LMBRD1: variants seen among roughly 807,000 people sequenced by gnomAD.
LMBRD1 encodes LMBR1 domain containing 1, also known as lysosomal cobalamin transport escort protein LMBD1.
A neutral mutation model predicts 74.8 loss-of-function variants in LMBRD1; 64 were observed. The ratio of observed to expected loss-of-function variants is 0.86; its 90% CI spans 0.70 to 1.05. The LOEUF (loss-of-function observed/expected upper bound fraction) is 1.05. Ranked by LOEUF, LMBRD1 falls within the 50% of genes least tolerant of loss-of-function variation. The probability of loss-of-function intolerance (pLI) is 0.00; values close to 1 mark genes in which losing one functional copy is unlikely to be tolerated. For synonymous variants in LMBRD1, 204 were observed against 216.3 expected (o/e 0.94, Z 0.50); for missense variants, 652 against 645.9 (o/e 1.01, Z -0.10).
At chr6:69,787,766 G>T (rs1563609) in intron 2 of LMBRD1, among the ~76,000 whole-genome samples, 50,932 of 152,064 alleles carry the variant, frequency 0.33, 9,653 homozygotes, top group East Asian at 0.54. Context: ...TCCTAATAAT[G>T]AAACAAAGTT....
chr6:69,699,602 T>G (rs918639272), intron 12 of LMBRD1, among the ~76,000 whole-genome samples: 2 of 151,826 alleles, frequency 1.3e-5, no homozygotes, highest in African/African-American at 4.8e-5. Context: ...CTCCTTATAC[T>G]TTGCTATAAA....
At chr6:69,695,140 C>A (rs144558196) in intron 14 of LMBRD1, among the ~76,000 whole-genome samples, 2 of 151,838 alleles carry the variant, frequency 1.3e-5, no homozygotes, top group African/African-American at 4.8e-5. Flanking sequence ...TACCATATTG[C>A]GCAGAATTGG....
At chr6:69,729,559 A>T (rs1252800695) in intron 7 of LMBRD1, among the ~76,000 whole-genome samples, 3 of 152,042 alleles carry the variant, frequency 2.0e-5, no homozygotes, top group Non-Finnish European at 2.9e-5. Flanking sequence ...ATAATTGACC[A>T]ATAAGCTTTT....
At chr6:69,704,404 C>T (rs1245417623) in intron 9 of LMBRD1, among the ~76,000 whole-genome samples, 1 of 151,982 alleles carries the variant, frequency 6.6e-6, no homozygotes, top group Non-Finnish European at 1.5e-5. Context: ...AATGTATTTA[C>T]TTATGTCAAT....
Position 69,696,512 on chromosome 6 carries a change from C to T in LMBRD1, c.1417+1051G>A, listed in dbSNP as rs540338022. ...GACTCTGCCTTCCTCCCTCCAACCCCTAAACAAAACCAATGTTTCAAACTC... is the reference window on the plus strand; with the variant it reads ...GACTCTGCCTTCCTCCCTCCAACCCTTAAACAAAACCAATGTTTCAAACTC... On this transcript the variant is annotated intron_variant, in intron 14 of 15. Coordinates refer to ENST00000649934, the MANE Select transcript of LMBRD1 (RefSeq NM_018368.4). Among the ~76,000 whole-genome samples, 6 of 152,210 alleles carry T rather than the reference C, an allele frequency of 3.9e-5. No individual in the cohort carries two copies. The East Asian group carries it at 9.6e-4, about 24-fold the overall frequency.
intron 3 of LMBRD1, among the ~76,000 whole-genome samples, chr6:69,759,579 C>A (rs1246297841): frequency 5.3e-5 from 8 of 151,534 alleles, no homozygotes; most frequent in Admixed American, 2.6e-4. Flanking sequence ...AAAGAATAAA[C>A]CAAAACAAAC....
chr6:69,780,457 G>A, intron 3 of LMBRD1, 37 bp downstream of exon 3: 1 of 1,466,656 alleles, frequency 6.8e-7, no homozygotes, highest in Non-Finnish European at 9.6e-7. Context: ...ATTTTGGTTA[G>A]CAGTCCAAAT....
intron 8 of LMBRD1, among the ~76,000 whole-genome samples, chr6:69,716,720 G>C (rs931416573): frequency 4.0e-5 from 6 of 151,692 alleles, no homozygotes; most frequent in African/African-American, 1.5e-4. Context: ...AACTTATTTT[G>C]AACATGCAGA....
chr6:69,793,063 A>G (rs1174768601), intron 1 of LMBRD1, among the ~76,000 whole-genome samples: 1 of 152,278 alleles, frequency 6.6e-6, no homozygotes, highest in East Asian at 1.9e-4. Flanking sequence ...TATAAGGATT[A>G]AATGAGATAT....
At chr6:69,787,759 T>C (rs1256226524) in intron 2 of LMBRD1, among the ~76,000 whole-genome samples, 1 of 152,158 alleles carries the variant, frequency 6.6e-6, no homozygotes, top group Non-Finnish European at 1.5e-5. Flanking sequence ...ACTAATATCC[T>C]AATAATGAAA....
intron 7 of LMBRD1, among the ~76,000 whole-genome samples, chr6:69,731,557 A>C (rs554975507): frequency 3.9e-5 from 6 of 152,228 alleles, no homozygotes; most frequent in South Asian, 2.1e-4. Flanking sequence ...TCAGTACAGT[A>C]GTCAATAAAT....
chr6:69,770,018 T>C (rs1026229140), intron 3 of LMBRD1, among the ~76,000 whole-genome samples: 37 of 152,048 alleles, frequency 2.4e-4, no homozygotes, highest in Admixed American at 2.4e-3. Context: ...GTAGAGCCTC[T>C]AGGGCAGCCA....
intron 14 of LMBRD1, among the ~76,000 whole-genome samples, chr6:69,687,095 T>C (rs1032641257): frequency 6.6e-6 from 1 of 152,216 alleles, no homozygotes; most frequent in African/African-American, 2.4e-5. Flanking sequence ...ATACTTTTCA[T>C]TTGAAAGTAA....
At chr6:69,679,791 A>G (rs557681328) in intron 14 of LMBRD1, among the ~76,000 whole-genome samples, 168 of 152,212 alleles carry the variant, frequency 1.1e-3, no homozygotes, top group South Asian at 7.9e-3. Flanking sequence ...GACTTATAAA[A>G]AGGGGATATC....
At chr6:69,718,857 T>A in intron 8 of LMBRD1, 99 bp downstream of exon 8, 2 of 1,322,396 alleles carry the variant, frequency 1.5e-6, no homozygotes, top group Non-Finnish European at 2.2e-6. Flanking sequence ...TCAAACAATG[T>A]AAAAAGTTAT....
intron 9 of LMBRD1, among the ~76,000 whole-genome samples, chr6:69,707,275 C>A (rs746999568): frequency 2.0e-5 from 3 of 152,108 alleles, no homozygotes; most frequent in Non-Finnish European, 4.4e-5. Context: ...AAGTTCTCTG[C>A]TTTTAAAGGT....
chr6:69,776,654 G>A (rs946982674), intron 3 of LMBRD1, among the ~76,000 whole-genome samples: 10 of 152,136 alleles, frequency 6.6e-5, no homozygotes, highest in South Asian at 2.1e-4. Flanking sequence ...ATGCTTAGCC[G>A]CCTTATCCCT....
chr6:69,737,050 G>A (rs1484704157), intron 7 of LMBRD1, among the ~76,000 whole-genome samples: 2 of 152,070 alleles, frequency 1.3e-5, no homozygotes, highest in African/African-American at 4.8e-5. Context: ...TATACATTAT[G>A]GCACGTGAAT....
intron 3 of LMBRD1, among the ~76,000 whole-genome samples, chr6:69,767,283 A>C (rs952715990): frequency 6.6e-6 from 1 of 151,216 alleles, no homozygotes; most frequent in African/African-American, 2.4e-5. Flanking sequence ...CTGTTTTCCT[A>C]AGGTAGAAGT....
Sources: allele counts gnomAD v4.1 joint callset (sites outside exome capture counted in the v4.1 genomes callset), GRCh38; gene constraint gnomAD v4.1.1; transcripts MANE v1.5; gene names NCBI Gene and HGNC (gene_info 2026-07-23, HGNC 2026-07-21).